The following SCRG1 variants were observed in gnomAD, a reference collection of about 807,000 sequenced individuals.
The protein encoded by SCRG1 is scrapie-responsive protein 1.
Under a neutral mutation model 7.7 loss-of-function variants are expected in SCRG1, and 3 were observed. The ratio of observed to expected loss-of-function variants is 0.39; its 90% CI spans 0.18 to 1.01. SCRG1 has a LOEUF of 1.01. Among genes scored for constraint, SCRG1 ranks in the 50% least tolerant of loss-of-function variants. SCRG1 has a pLI of 0.36. For synonymous variants in SCRG1, 46 were observed against 41.2 expected (o/e 1.12, Z -0.44); for missense variants, 110 against 117.2 (o/e 0.94, Z 0.28).
At chr4:173,389,887 T>C in intron 2 of SCRG1, 1 of 427,508 alleles carries the variant, frequency 2.3e-6, no homozygotes, top group South Asian at 1.7e-5. Flanking sequence ...GAAAATATGA[T>C]GACATCTGTT....
At chr4:173,412,569 G>C in the SCRG1 span, among the ~76,000 whole-genome samples, 6,681 of 152,224 alleles carry the variant, frequency 0.044, 187 homozygotes, top group Non-Finnish European at 0.067. Flanking sequence ...TGGCCTGAGT[G>C]GCCCATGGTC....
intron 1 of SCRG1, 26 bp downstream of exon 1, chr4:173,399,042 T>C (rs1253705300): frequency 6.6e-6 from 1 of 152,208 alleles, no homozygotes; most frequent in African/African-American, 2.4e-5. Context: ...ACATAAGATG[T>C]TTTTTATAGA....
chr4:173,496,892 G>T, the SCRG1 span, among the ~76,000 whole-genome samples: 1 of 152,068 alleles, frequency 6.6e-6, no homozygotes, highest in Non-Finnish European at 1.5e-5. Flanking sequence ...GGATCACAAG[G>T]TCAGGAGATC....
chr4:173,456,583 AC>A, the SCRG1 span, among the ~76,000 whole-genome samples: 1 of 152,160 alleles, frequency 6.6e-6, no homozygotes, highest in African/African-American at 2.4e-5. Context: ...TAAACCTCAA[AC>A]TTTTTGTTAT....
the SCRG1 span, among the ~76,000 whole-genome samples, chr4:173,489,816 A>G: frequency 6.6e-6 from 1 of 152,174 alleles, no homozygotes; most frequent in Non-Finnish European, 1.5e-5. Context: ...GCAAAACCAC[A>G]TTTATTTGCA....
the SCRG1 span, among the ~76,000 whole-genome samples, chr4:173,462,823 C>T: frequency 6.6e-6 from 1 of 152,046 alleles, no homozygotes; most frequent in Admixed American, 6.6e-5. Context: ...GAAATTAAGG[C>T]AAGTTTTTAT....
the SCRG1 span, among the ~76,000 whole-genome samples, chr4:173,498,379 T>C: frequency 6.6e-6 from 1 of 152,136 alleles, no homozygotes; most frequent in Non-Finnish European, 1.5e-5. Context: ...ATGTTGGGGA[T>C]AGGGAGGAGG....
At chr4:173,389,914 A>T (rs1560829009) in intron 2 of SCRG1, 2 of 402,744 alleles carry the variant, frequency 5.0e-6, no homozygotes, top group Non-Finnish European at 1.0e-5. Context: ...AATTTGAAAA[A>T]GCTAATTTCA....
chr4:173,471,429 C>A, the SCRG1 span, among the ~76,000 whole-genome samples: 1 of 152,102 alleles, frequency 6.6e-6, no homozygotes, highest in Non-Finnish European at 1.5e-5. Flanking sequence ...AAAGGATCAC[C>A]CCATCCTGGA....
At chr4:173,469,771 G>A in the SCRG1 span, 1 of 152,212 alleles carries the variant, frequency 6.6e-6, no homozygotes, top group Non-Finnish European at 1.5e-5. Context: ...ATAAAGTGAA[G>A]GGAAGAATCG....
At chr4:173,434,849 T>TA in the SCRG1 span, among the ~76,000 whole-genome samples, 3 of 151,942 alleles carry the variant, frequency 2.0e-5, no homozygotes, top group African/African-American at 7.2e-5. Flanking sequence ...TAAATAAATA[T>TA]AAAAAATAAC....
chr4:173,411,114 C>T (rs529567433), upstream of SCRG1, among the ~76,000 whole-genome samples: 2 of 152,276 alleles, frequency 1.3e-5, no homozygotes, highest in African/African-American at 4.8e-5. Flanking sequence ...TGCAATTGCT[C>T]GTTGGCTACA....
the SCRG1 span, among the ~76,000 whole-genome samples, chr4:173,462,146 C>T: frequency 1.3e-5 from 2 of 152,060 alleles, no homozygotes; most frequent in African/African-American, 2.4e-5. Context: ...TTTATTCAAA[C>T]GGATAATAGA....
the SCRG1 span, among the ~76,000 whole-genome samples, chr4:173,518,803 C>T: frequency 6.6e-6 from 1 of 152,196 alleles, no homozygotes; most frequent in African/African-American, 2.4e-5. Context: ...GGTTCAGGAG[C>T]TGGGCCAAGG....
the SCRG1 span, among the ~76,000 whole-genome samples, chr4:173,482,864 CAT>C: frequency 1.4e-5 from 2 of 138,586 alleles, no homozygotes; most frequent in Admixed American, 7.8e-5. Flanking sequence ...TTATATATTT[CAT>C]ATATATTTTT....
the SCRG1 span, among the ~76,000 whole-genome samples, chr4:173,499,841 A>G: frequency 1.1e-4 from 16 of 152,350 alleles, no homozygotes; most frequent in African/African-American, 3.6e-4. This position sits in a 1 kb window ranked among gnomAD's most constrained non-coding sequence, Gnocchi z 4.1. Context: ...AAAGGAGAAA[A>G]ATACTGAGAA....
chr4:173,406,967 G>A (rs1055023506), upstream of SCRG1, among the ~76,000 whole-genome samples: 1 of 152,136 alleles, frequency 6.6e-6, no homozygotes, highest in Non-Finnish European at 1.5e-5. Context: ...CAGCACTTTG[G>A]GGGGCCGAGA....
chr4:173,486,744 C>T, the SCRG1 span, among the ~76,000 whole-genome samples: 1 of 152,080 alleles, frequency 6.6e-6, no homozygotes, highest in South Asian at 2.1e-4. Flanking sequence ...TTTGGAATCT[C>T]AGACTGGGGT....
At chr4:173,398,143 C>T (rs1057353044) in intron 1 of SCRG1, 3 of 152,074 alleles carry the variant, frequency 2.0e-5, no homozygotes, top group Non-Finnish European at 4.4e-5. Context: ...GTTAGAATGA[C>T]TGAGTCCCAA....
Sources: allele counts gnomAD v4.1 joint callset (sites outside exome capture counted in the v4.1 genomes callset), GRCh38; gene constraint gnomAD v4.1.1; non-coding constraint Gnocchi (gnomAD v3.1); transcripts MANE v1.5; gene names NCBI Gene and HGNC (gene_info 2026-07-23, HGNC 2026-07-21).